Variants in LRP1B observed in about 807,000 individuals in gnomAD.
The protein encoded by LRP1B is LDL receptor related protein 1B.
In LRP1B, 217 loss-of-function variants were observed where a neutral mutation model predicts 556.6. The observed-to-expected ratio is 0.39, with a 90% CI of 0.35 to 0.44. The LOEUF (loss-of-function observed/expected upper bound fraction) is 0.44, where lower values mean the gene tolerates loss of function less well. Ranked by LOEUF, LRP1B falls within the 20% of genes least tolerant of loss-of-function variation. The probability of loss-of-function intolerance (pLI) is 1.00; values close to 1 mark genes in which losing one functional copy is unlikely to be tolerated. For missense variants in LRP1B, 5,053 were observed against 5,620.8 expected, an observed-to-expected ratio of 0.90 and a Z score of 3.23; for synonymous variants, 2,047 against 1,865.8, an observed-to-expected ratio of 1.10 and a Z score of -2.50.
chr2:141,585,130 A>G (rs2381190), intron 2 of LRP1B, among the ~76,000 whole-genome samples: 34,761 of 152,058 alleles, frequency 0.23, 4,991 homozygotes, highest in East Asian at 0.5. Context: ...CCCTCGCACA[A>G]CCTGTTATCC....
chr2:141,724,453 T>A (rs1330444720), intron 2 of LRP1B, among the ~76,000 whole-genome samples: 2 of 151,902 alleles, frequency 1.3e-5, no homozygotes, highest in African/African-American at 4.8e-5. Flanking sequence ...TAAATGAAAG[T>A]CTTCATTTCT....
intron 2 of LRP1B, chr2:141,805,894 A>G (rs1696154212): frequency 6.6e-6 from 1 of 152,062 alleles, no homozygotes; most frequent in African/African-American, 2.4e-5. Context: ...GCTTGCAAAT[A>G]TTGCTTAGGA....
At chr2:140,803,502 G>T (rs1559128600) in intron 32 of LRP1B, among the ~76,000 whole-genome samples, 1 of 151,772 alleles carries the variant, frequency 6.6e-6, no homozygotes, top group African/African-American at 2.4e-5. Flanking sequence ...GTTTCACTGT[G>T]TTAGCCAGGA....
intron 32 of LRP1B, among the ~76,000 whole-genome samples, chr2:140,794,906 C>T (rs1690251805): frequency 6.6e-6 from 1 of 152,132 alleles, no homozygotes; most frequent in Non-Finnish European, 1.5e-5. Flanking sequence ...AGCAACCGCA[C>T]CCAGCCGGCC....
In LRP1B at chr2:142,075,321, T is replaced by C. The variant is rs76628024; in HGVS notation, c.82+55327A>G. ...GAATAGGGTGTATTAATAGAGTAAG[T>C]AATTTATTAAACTGTAAGACATGCC... On this transcript the variant is annotated intron_variant, in intron 1 of 90. Transcript: ENST00000389484. Among the ~76,000 whole-genome samples, 1,649 of 152,212 alleles carry C rather than the reference T, an allele frequency of 0.011. 156 individuals are homozygous for C. The East Asian group carries it at 0.24, about 22-fold the overall frequency.
At chr2:141,475,818 T>TC (rs1218138072) in intron 3 of LRP1B, among the ~76,000 whole-genome samples, 2 of 152,020 alleles carry the variant, frequency 1.3e-5, no homozygotes, top group Non-Finnish European at 2.9e-5. Context: ...GAAGATCATC[T>TC]CCCCACACCA....
intron 10 of LRP1B, among the ~76,000 whole-genome samples, chr2:141,052,816 T>G (rs575145735): frequency 1.4e-4 from 22 of 152,024 alleles, no homozygotes; most frequent in Admixed American, 1.3e-3. Context: ...TTTTGTAGCT[T>G]TTTTAGAGAC....
chr2:140,327,196 TACTTTTGAGTCTGTGCTAG>T (rs1680533533), intron 79 of LRP1B, among the ~76,000 whole-genome samples: 1 of 152,110 alleles, frequency 6.6e-6, no homozygotes, highest in Non-Finnish European at 1.5e-5. Flanking sequence ...GAATGAAAGG[TACTTTTGAGTCTGTGCTAG>T]ACTTTTATTC....
intron 2 of LRP1B, among the ~76,000 whole-genome samples, chr2:141,649,730 C>T (rs1689714470): frequency 1.3e-5 from 2 of 152,142 alleles, no homozygotes; most frequent in African/African-American, 4.8e-5. Flanking sequence ...CATCACTTTA[C>T]TTTTAAAAAT....
At chr2:141,607,531 G>T (rs1687960971) in intron 2 of LRP1B, among the ~76,000 whole-genome samples, 1 of 152,098 alleles carries the variant, frequency 6.6e-6, no homozygotes, top group South Asian at 2.1e-4. Context: ...ACTGTAAGTT[G>T]GCTCTCCCTT....
At chr2:141,192,056 A>C (rs1178598948) in intron 6 of LRP1B, among the ~76,000 whole-genome samples, 2 of 151,956 alleles carry the variant, frequency 1.3e-5, no homozygotes, top group Non-Finnish European at 1.5e-5. Flanking sequence ...TGAAGCATTG[A>C]GATCTCACTA....
chr2:140,737,099 C>A (rs74355056), intron 35 of LRP1B, among the ~76,000 whole-genome samples: 1,883 of 152,198 alleles, frequency 0.012, 37 homozygotes, highest in South Asian at 0.041. Flanking sequence ...AGGGTGGTTG[C>A]CCCAATAAAA....
chr2:140,555,798 T>C (rs1385768), intron 43 of LRP1B, among the ~76,000 whole-genome samples: 69,457 of 151,944 alleles, frequency 0.46, 16,363 homozygotes, highest in South Asian at 0.58. Flanking sequence ...AACTAATGTC[T>C]ACTTTAGAGA....
rs564483349 is a variant in LRP1B, at chr2:141,369,724, T to G, written c.343+110672A>C. On this transcript the variant is annotated intron_variant, in intron 3 of 90. Coordinates refer to ENST00000389484, the MANE Select transcript of LRP1B (RefSeq NM_018557.3). ...ATTTTTCTATATTGATATATTGCAT[T>G]GTGGTGAACTCAGGGCATTCAATGT... Among the ~76,000 whole-genome samples, 4 of 152,276 alleles carry G rather than the reference T, an allele frequency of 2.6e-5. No homozygotes were observed. The East Asian group carries it at 7.7e-4, about 29-fold the overall frequency.
chr2:140,532,396 G>A (rs911858627), intron 47 of LRP1B, among the ~76,000 whole-genome samples: 2 of 151,222 alleles, frequency 1.3e-5, no homozygotes, highest in Non-Finnish European at 3.0e-5. Flanking sequence ...TGTTTGTTTT[G>A]GTTTTTTTGG....
At chr2:140,949,938 CAAAAAAAAAAAAAAAAAAA>C (rs67201185) in intron 20 of LRP1B, among the ~76,000 whole-genome samples, 1 of 14,280 alleles carries the variant, frequency 7.0e-5, no homozygotes, top group Non-Finnish European at 1.2e-4. Context: ...GACTCCGTCT[CAAAAAAAAAAAAAAAAAAA>C]AAAAAAAGAA....
At chr2:140,558,759 C>T (rs1393867201) in intron 43 of LRP1B, among the ~76,000 whole-genome samples, 1 of 151,616 alleles carries the variant, frequency 6.6e-6, no homozygotes, top group Non-Finnish European at 1.5e-5. Context: ...GGCAACATGG[C>T]AACAACCTCT....
chr2:140,805,388 G>A (rs903085549), intron 32 of LRP1B, among the ~76,000 whole-genome samples: 2 of 152,132 alleles, frequency 1.3e-5, no homozygotes, highest in African/African-American at 4.8e-5. Context: ...AGTTCATAGT[G>A]AGGATAGCCA....
chr2:141,603,365 A>G (rs1376186142), intron 2 of LRP1B, among the ~76,000 whole-genome samples: 2 of 152,190 alleles, frequency 1.3e-5, no homozygotes, highest in Non-Finnish European at 2.9e-5. Flanking sequence ...TAAAAGCTCA[A>G]GTAGTTACTA....
Sources: allele counts gnomAD v4.1 joint callset (sites outside exome capture counted in the v4.1 genomes callset), GRCh38; gene constraint gnomAD v4.1.1; transcripts MANE v1.5; gene names NCBI Gene and HGNC (gene_info 2026-07-23, HGNC 2026-07-21).